The following HMCN1 variants were observed in gnomAD, a reference collection of about 807,000 sequenced individuals.
HMCN1 encodes hemicentin 1, also known as hemicentin-1.
In HMCN1, 321 loss-of-function variants were observed where a neutral mutation model predicts 625.9. The ratio of observed to expected loss-of-function variants is 0.51; its 90% CI spans 0.47 to 0.56. The LOEUF is 0.56. Ranked by LOEUF, HMCN1 falls within the 20% of genes least tolerant of loss-of-function variation. The pLI is 0.00. For synonymous variants in HMCN1, 2,425 were observed against 2,417.6 expected, an observed-to-expected ratio of 1.00 and a Z score of -0.09; for missense variants, 6,588 against 6,887.3, an observed-to-expected ratio of 0.96 and a Z score of 1.54.
chr1:185,831,432 C>A (rs1331333552), intron 1 of HMCN1, among the ~76,000 whole-genome samples: 3 of 152,056 alleles, frequency 2.0e-5, no homozygotes, highest in Non-Finnish European at 2.9e-5. Flanking sequence ...ATCTCAAATC[C>A]AGTATCATCC....
chr1:185,826,460 G>T (rs956225944), intron 1 of HMCN1, among the ~76,000 whole-genome samples: 9 of 152,184 alleles, frequency 5.9e-5, no homozygotes, highest in African/African-American at 1.9e-4. Flanking sequence ...GGAAAACAGT[G>T]GAGGCAGTGC....
At chr1:185,822,727 A>G (rs757430619) in intron 1 of HMCN1, among the ~76,000 whole-genome samples, 12 of 152,184 alleles carry the variant, frequency 7.9e-5, no homozygotes, top group Non-Finnish European at 1.6e-4. Flanking sequence ...TAATGCATCC[A>G]AAGTAAGTAG....
chr1:185,754,838 A>G (rs1410255514), intron 1 of HMCN1, among the ~76,000 whole-genome samples: 1 of 152,156 alleles, frequency 6.6e-6, no homozygotes, highest in Non-Finnish European at 1.5e-5. Context: ...ACAGAGTGAG[A>G]CCCTGTCTCA....
At chr1:185,807,621 G>C (rs1256640808) in intron 1 of HMCN1, among the ~76,000 whole-genome samples, 2 of 152,094 alleles carry the variant, frequency 1.3e-5, no homozygotes, top group Non-Finnish European at 2.9e-5. Flanking sequence ...CTTTGTTTTG[G>C]TGTTAAGATT....
chr1:185,928,579 G>A lies in HMCN1; in HGVS notation c.1464G>A (p.Lys488=), dbSNP rs755638541. 2.5e-6 allele frequency: 4 copies of A among 1,613,294 alleles called. No individual in the cohort carries two copies. The highest frequency in any genetic ancestry group is 1.3e-5 in the African/African-American group (1 of 75,004). ...ESASVNLDIA[K]VTLSDEGFYE... ...CCAGTGTGAACTTAGATATTGCAAA[G>A]GTCACTTTGTCTGACGAAGGTTTCT... Residue 488 remains lysine (K), a synonymous_variant, in exon 10 of 107, where the codon AAG becomes AAA. Transcript: ENST00000271588.
rs771430237 is a variant in HMCN1, at chr1:186,090,265, TC to T, written c.9728-491del. 3.3e-5 allele frequency among the ~76,000 whole-genome samples: 5 copies of T among 152,014 alleles called. No homozygotes were observed. The South Asian group carries it at 6.2e-4, about 19-fold the overall frequency. On this transcript the variant is annotated intron_variant, in intron 63 of 106. Coordinates refer to ENST00000271588, the MANE Select transcript of HMCN1 (RefSeq NM_031935.3). ...GCTCTTCAGAACTACAACAAACCTA[TC>T]CATTGTTCAAAATAAACAATAATTA...
chr1:185,737,446 G>T (rs1469757686), intron 1 of HMCN1, among the ~76,000 whole-genome samples: 1 of 152,164 alleles, frequency 6.6e-6, no homozygotes, highest in Non-Finnish European at 1.5e-5. Context: ...ATCTTGGAAT[G>T]ACAGGAAGGA....
At chr1:186,103,782 A>G (rs1365807287) in intron 69 of HMCN1, 114 bp downstream of exon 69, 1 of 871,836 alleles carries the variant, frequency 1.1e-6, no homozygotes, top group Non-Finnish European at 1.8e-6. Flanking sequence ...GATCTGTGTA[A>G]CTGGAGCAGG....
intron 4 of HMCN1, among the ~76,000 whole-genome samples, chr1:185,874,957 T>C (rs921676435): frequency 2.6e-5 from 4 of 151,822 alleles, no homozygotes; most frequent in African/African-American, 7.2e-5. Context: ...TCAAATAATA[T>C]TTATGAAATT....
chr1:185,765,150 C>T (rs975354112), intron 1 of HMCN1, among the ~76,000 whole-genome samples: 3 of 151,962 alleles, frequency 2.0e-5, no homozygotes, highest in Non-Finnish European at 4.4e-5. Context: ...GAAAGATGGA[C>T]ATAATTAAGT....
chr1:186,052,238 A>C (rs1005101952), intron 42 of HMCN1, among the ~76,000 whole-genome samples: 1 of 152,040 alleles, frequency 6.6e-6, no homozygotes, highest in African/African-American at 2.4e-5. Context: ...TGGAAGCCAC[A>C]CTGGGGGTAA....
rs1274382633 is a variant in HMCN1 at position 185,989,603 on chromosome 1, A to G, written c.3164A>G (p.Asn1055Ser). 4 of 1,614,020 alleles carry G rather than the reference A, an allele frequency of 2.5e-6. No individual in the cohort carries two copies. The South Asian group carries it at 3.3e-5, about 13-fold the overall frequency. ...GGGGAGTATGTCTGCACTGCCACCA[A>G]TACAGCCGGCTACGCCAAAAGGAAA... ...ESGEYVCTATNTAGYAKRKVQ... is the reference protein window; with the variant it reads ...ESGEYVCTATSTAGYAKRKVQ... The change falls in exon 21 of 107, where the codon AAT (asparagine) becomes AGT (serine). Residue 1055 changes from asparagine to serine, a missense_variant. Physicochemically the swap from Asn to Ser is conservative, Grantham distance 46. Around this residue, in one of 3 missense-constraint regions of HMCN1, gnomAD observed 4,628 missense variants for 4,853.1 expected, o/e 0.95. Coordinates refer to ENST00000271588, the MANE Select transcript of HMCN1 (RefSeq NM_031935.3).
intron 72 of HMCN1, 43 bp downstream of exon 72, chr1:186,112,996 C>G (rs778560455): frequency 1.2e-6 from 2 of 1,603,116 alleles, no homozygotes; most frequent in Non-Finnish European, 8.5e-7. Context: ...AAAATCTGAC[C>G]AAGGGCATTC....
intron 1 of HMCN1, among the ~76,000 whole-genome samples, chr1:185,771,430 A>G (rs1656235607): frequency 1.3e-5 from 2 of 152,192 alleles, no homozygotes; most frequent in African/African-American, 2.4e-5. Flanking sequence ...CACATATGTA[A>G]CAGACCCTCT....
At chr1:185,799,423 G>T (rs1316829495) in intron 1 of HMCN1, among the ~76,000 whole-genome samples, 3 of 152,182 alleles carry the variant, frequency 2.0e-5, no homozygotes, top group Non-Finnish European at 4.4e-5. Flanking sequence ...GCCCCAGAGT[G>T]GGGGTGAAGT....
In HMCN1 at chr1:186,136,703, G is replaced by A. The variant is rs1649627673; in HGVS notation, c.13348G>A (p.Val4450Ile). 2.5e-6 allele frequency: 4 copies of A among 1,613,822 alleles called. No homozygotes were observed. The highest frequency in any genetic ancestry group is 3.4e-6 in the Non-Finnish European group (4 of 1,179,894). ...TATCACTCTTGAGCCAGTGGAAACT[G>A]TTATTAATGCTGGTGGCAAAATCAT... Reference protein sequence around the residue: ...PIITLEPVETVINAGGKIILN... With the variant: ...PIITLEPVETIINAGGKIILN... Residue 4450 changes from valine to isoleucine, a missense_variant, in exon 87 of 107, where the codon GTT becomes ATT. By Grantham distance (29) the Val-to-Ile change is conservative (BLOSUM62 3). Around this residue, in one of 3 missense-constraint regions of HMCN1, gnomAD observed 1,954 missense variants for 2,013.1 expected, o/e 0.97. Coordinates refer to ENST00000271588, the MANE Select transcript of HMCN1 (RefSeq NM_031935.3).
At position 186,067,964 on chromosome 1, in the gene HMCN1, T is replaced by C; in HGVS notation, c.7836T>C (p.Asp2612=). Residue 2612 remains aspartate, a synonymous_variant, in exon 50 of 107, where the codon GAT becomes GAC. Coordinates refer to ENST00000271588, the MANE Select transcript of HMCN1 (RefSeq NM_031935.3). ...CAGCTACCATCACCTGGTTTAAGGA[T>C]GGCACTCCTTTAGAATCTAACCGAA... ...YPPATITWFK[D]GTPLESNRNI... The C allele has an allele frequency of 6.2e-7, 1 of 1,613,758 alleles. No homozygotes were observed. The highest frequency in any genetic ancestry group is 8.5e-7 in the Non-Finnish European group (1 of 1,179,694).
At chr1:186,151,083 C>CAT in intron 93 of HMCN1, 117 bp from the exon 94 acceptor site, 1 of 964,448 alleles carries the variant, frequency 1.0e-6, no homozygotes, top group Non-Finnish European at 1.6e-6. Flanking sequence ...TGTCATATGA[C>CAT]CTTTTTGATG....
chr1:185,820,548 C>T (rs1198686751), intron 1 of HMCN1, among the ~76,000 whole-genome samples: 2 of 152,110 alleles, frequency 1.3e-5, no homozygotes, highest in Non-Finnish European at 2.9e-5. Flanking sequence ...TGATTTCAAT[C>T]TCAGATTAAT....
Sources: gnomAD v4.1 joint callset for allele counts (sites outside exome capture counted in the v4.1 genomes callset) on GRCh38, gnomAD v4.1.1 for gene constraint, gnomAD v4.1.1 regional missense constraint, MANE v1.5 for transcripts, NCBI Gene and HGNC (gene_info 2026-07-23, HGNC 2026-07-21) for gene names.